The following ZC3H13 variants were observed in gnomAD, a reference collection of about 807,000 sequenced individuals.
The protein encoded by ZC3H13 is zinc finger CCCH-type containing 13, also known as zinc finger CCCH domain-containing protein 13.
Under a neutral mutation model 204.1 loss-of-function variants are expected in ZC3H13, and 64 were observed. The observed-to-expected ratio is 0.31, with a 90% CI of 0.26 to 0.39. The LOEUF is 0.39. ZC3H13 is among the 10% of genes least tolerant of loss of function. The pLI, the probability that ZC3H13 is intolerant of heterozygous loss-of-function variation, is 1.00. For synonymous variants in ZC3H13, 667 were observed against 693.7 expected (o/e 0.96, Z 0.60); for missense variants, 1,833 against 2,082.7 (o/e 0.88, Z 2.33).
At chr13:46,006,606 C>T (rs2041167200) in intron 7 of ZC3H13, among the ~76,000 whole-genome samples, 1 of 148,808 alleles carries the variant, frequency 6.7e-6, no homozygotes, top group Non-Finnish European at 1.5e-5. Context: ...ATCTACTAAT[C>T]TCACTATCTA....
chr13:45,971,139 A>G (rs1263926795), intron 12 of ZC3H13, among the ~76,000 whole-genome samples: 1 of 152,232 alleles, frequency 6.6e-6, no homozygotes, highest in Non-Finnish European at 1.5e-5. Flanking sequence ...CTGACAAATT[A>G]ATAAAATAAT....
intron 1 of ZC3H13, among the ~76,000 whole-genome samples, chr13:46,047,513 T>A (rs1413627381): frequency 6.6e-6 from 1 of 152,206 alleles, no homozygotes; most frequent in Admixed American, 6.5e-5. Context: ...TTTGATTTAA[T>A]TTTTCTTAGA....
In ZC3H13 at chr13:45,975,382, C is replaced by G; in HGVS notation, c.2369G>C (p.Trp790Ser). The change falls in exon 12 of 19, where the codon TGG (tryptophan) becomes TCG (serine). Residue 790 changes from tryptophan (W) to serine (S), a missense_variant. Physicochemically the swap from Trp to Ser is radical, Grantham distance 177. Around this residue, in one of 5 missense-constraint regions of ZC3H13, gnomAD observed 1,574 missense variants for 1,757.2 expected, o/e 0.90. Coordinates refer to ENST00000679008, the MANE Select transcript of ZC3H13 (RefSeq NM_001330564.2). ...ATCTCGTCCTTTGTCTTTGTCTTCC[C>G]AATCCCTTTGGCGTTCTCGTTCTTT... ...RDKERERQRD[W>S]EDKDKGRDDR... The G allele has an allele frequency of 1.9e-6, 3 of 1,613,960 alleles. No homozygotes were observed. The highest frequency in any genetic ancestry group is 2.5e-6 in the Non-Finnish European group (3 of 1,179,938).
chr13:46,014,451 T>C (rs1415798080), intron 5 of ZC3H13, among the ~76,000 whole-genome samples: 1 of 152,172 alleles, frequency 6.6e-6, no homozygotes, highest in Non-Finnish European at 1.5e-5. Flanking sequence ...ATCATAGATA[T>C]ATAAAAGGTT....
At chr13:45,970,049 C>G in intron 13 of ZC3H13, 78 bp from the exon 14 acceptor site, 1 of 1,487,100 alleles carries the variant, frequency 6.7e-7, no homozygotes, top group Non-Finnish European at 8.9e-7. Flanking sequence ...ATAATAATTT[C>G]TCCTCACACC....
chr13:45,990,718 T>C (rs2138293165), intron 8 of ZC3H13, among the ~76,000 whole-genome samples: 2 of 152,136 alleles, frequency 1.3e-5, no homozygotes, highest in Middle Eastern at 3.4e-3. Flanking sequence ...TGCATCCTAC[T>C]GAACAGAAAA....
chr13:46,005,798 A>T (rs1322147694), intron 7 of ZC3H13, among the ~76,000 whole-genome samples: 1 of 152,006 alleles, frequency 6.6e-6, no homozygotes, highest in Non-Finnish European at 1.5e-5. Flanking sequence ...TCTCTTTTAA[A>T]ATATTGTTGT....
intron 4 of ZC3H13, among the ~76,000 whole-genome samples, chr13:46,033,571 G>C (rs1445501150): frequency 6.6e-6 from 1 of 152,128 alleles, no homozygotes; most frequent in Admixed American, 6.5e-5. Context: ...TTGAATTCAT[G>C]TTTGTCTGTT....
At chr13:46,029,248 C>T (rs1308169446) in intron 4 of ZC3H13, among the ~76,000 whole-genome samples, 1 of 152,006 alleles carries the variant, frequency 6.6e-6, no homozygotes, top group African/African-American at 2.4e-5. Flanking sequence ...AAAACTCACA[C>T]AAGGAGAAAC....
At chr13:45,982,940 T>C (rs980119136) in intron 10 of ZC3H13, among the ~76,000 whole-genome samples, 1 of 152,174 alleles carries the variant, frequency 6.6e-6, no homozygotes, top group Admixed American at 6.5e-5. Context: ...GTGTACCTAA[T>C]AGCAAAGCTT....
In ZC3H13 at chr13:45,970,350, G is replaced by A; in HGVS notation, c.2572+12C>T. ...TATGAATATAGAGAGACAGAAAACA[G>A]AGTCTGCTTACTTTTATCATCTCCA... On this transcript the variant is annotated intron_variant, in intron 13 of 18. Coordinates refer to ENST00000679008, the MANE Select transcript of ZC3H13 (RefSeq NM_001330564.2). 1.2e-6 allele frequency: 2 copies of A among 1,612,122 alleles called. No homozygotes were observed. The highest frequency in any genetic ancestry group is 8.5e-7 in the Non-Finnish European group (1 of 1,178,478).
chr13:46,044,891 T>A, intron 3 of ZC3H13, 64 bp downstream of exon 3: 1 of 1,182,050 alleles, frequency 8.5e-7, no homozygotes. Context: ...CAGATTTTTA[T>A]ACTAGATAAA....
intron 4 of ZC3H13, among the ~76,000 whole-genome samples, chr13:46,034,566 G>C (rs1391373545): frequency 6.6e-6 from 1 of 152,134 alleles, no homozygotes; most frequent in African/African-American, 2.4e-5. Flanking sequence ...CAGATCAGAG[G>C]TTATCAGGAG....
In ZC3H13 at chr13:45,967,804, G is replaced by A; in HGVS notation, c.4021C>T (p.Arg1341Ter). 1.2e-6 allele frequency: 2 copies of A among 1,612,422 alleles called. No individual in the cohort carries two copies. Among genetic ancestry groups the A allele is most frequent in the Non-Finnish European group, 1.7e-6 (2 of 1,179,224 alleles). ...CGTTCTCTCTCTCGTTCTCGTTCTC[G>A]CAATCTATCTCGATCCCTGTTGCGT... Reference protein sequence around the residue: ...WPRNRDRDRLRERERERERDK... With the variant: ...WPRNRDRDRL Residue 1341 changes from arginine (R) to a stop codon, truncating the protein, a stop_gained, in exon 15 of 19, where the codon CGA becomes TGA. Transcript: ENST00000679008. LOFTEE classifies it high-confidence loss of function.
chr13:46,012,054 C>G (rs189109868), intron 5 of ZC3H13, among the ~76,000 whole-genome samples: 6 of 152,238 alleles, frequency 3.9e-5, no homozygotes, highest in Admixed American at 3.3e-4. Flanking sequence ...TGATTAATAT[C>G]TAAAACTAAA....
chr13:45,957,561 C>T (rs1354994536), intron 18 of ZC3H13, among the ~76,000 whole-genome samples: 1 of 152,142 alleles, frequency 6.6e-6, no homozygotes, highest in Admixed American at 6.5e-5. Flanking sequence ...GGTAATCAAC[C>T]GGTTTTTACT....
chr13:45,969,510 C>G lies in ZC3H13; in HGVS notation c.3034G>C (p.Gly1012Arg), dbSNP rs1276745875. ...SIEKKRKKSK[G>R]DSDISDEEAA... ...TCTTCATCAGAAATATCAGAATCACCTTTGGATTTTTTACGTTTTTTTTCA... is the reference window on the plus strand; with the variant it reads ...TCTTCATCAGAAATATCAGAATCACGTTTGGATTTTTTACGTTTTTTTTCA... The change falls in exon 14 of 19, where the codon GGT becomes CGT. Residue 1012 changes from glycine to arginine, a missense_variant. Gly to Arg is a moderately radical substitution (Grantham distance 125). This residue lies in a region of ZC3H13 where 1,574 missense variants were observed against 1,757.2 expected (regional missense o/e 0.90). Transcript: ENST00000679008. The G allele has an allele frequency of 6.2e-7, 1 of 1,604,076 alleles. No homozygotes were observed. Among genetic ancestry groups the G allele is most frequent in the East Asian group, 2.2e-5 (1 of 44,828 alleles).
chr13:46,004,212 T>C (rs2040957574), intron 7 of ZC3H13, among the ~76,000 whole-genome samples: 1 of 152,032 alleles, frequency 6.6e-6, no homozygotes, highest in Admixed American at 6.6e-5. Flanking sequence ...AATTTTCAAA[T>C]ATTGAACATA....
chr13:45,985,848 AT>A, intron 9 of ZC3H13, 87 bp from the exon 10 acceptor site: 1 of 1,218,010 alleles, frequency 8.2e-7, no homozygotes. Context: ...AACTTTAAAA[AT>A]TTTATTATAA....
Sources: gnomAD v4.1 joint callset for allele counts (sites outside exome capture counted in the v4.1 genomes callset) on GRCh38, gnomAD v4.1.1 for gene constraint, gnomAD v4.1.1 regional missense constraint, MANE v1.5 for transcripts, NCBI Gene and HGNC (gene_info 2026-07-23, HGNC 2026-07-21) for gene names.